Variants in LIMCH1 observed in about 807,000 individuals in gnomAD.
LIMCH1 encodes the protein LIM and calponin homology domains 1, also known as LIM and calponin homology domains-containing protein 1.
Under a neutral mutation model 176.5 loss-of-function variants are expected in LIMCH1, and 113 were observed. The ratio of observed to expected loss-of-function variants is 0.64; its 90% CI spans 0.55 to 0.75. The LOEUF is 0.75. Ranked by LOEUF, LIMCH1 falls within the 30% of genes least tolerant of loss-of-function variation. The probability of loss-of-function intolerance (pLI) is 0.00; values close to 1 mark genes in which losing one functional copy is unlikely to be tolerated. For missense variants in LIMCH1, 1,674 were observed against 1,814.9 expected (o/e 0.92, Z 1.41); for synonymous variants, 619 against 645.9 (o/e 0.96, Z 0.63).
chr4:41,658,049 A>C (rs1246651405), intron 18 of LIMCH1, among the ~76,000 whole-genome samples: 1 of 152,052 alleles, frequency 6.6e-6, no homozygotes, highest in Non-Finnish European at 1.5e-5. Flanking sequence ...AATTGGTGTG[A>C]CTCCAAGCCC....
chr4:41,636,885 A>G (rs899298698), intron 13 of LIMCH1, among the ~76,000 whole-genome samples: 1 of 152,232 alleles, frequency 6.6e-6, no homozygotes, highest in African/African-American at 2.4e-5. Context: ...ACGCTAATCT[A>G]TGCATATGTT....
chr4:41,671,435 C>G, intron 21 of LIMCH1, 119 bp from the exon 22 acceptor site: 1 of 663,212 alleles, frequency 1.5e-6, no homozygotes, highest in Non-Finnish European at 2.7e-6. Context: ...CACACACACA[C>G]ACACAAAATT....
At chr4:41,653,241 T>C (rs7677930) in intron 18 of LIMCH1, among the ~76,000 whole-genome samples, 25,418 of 151,698 alleles carry the variant, frequency 0.17, 2,345 homozygotes, top group Middle Eastern at 0.3. Context: ...TTTAAAAGAA[T>C]CACTTCTCCA....
At chr4:41,665,818 G>C (rs543469439) in intron 20 of LIMCH1, among the ~76,000 whole-genome samples, 38 of 152,282 alleles carry the variant, frequency 2.5e-4, no homozygotes, top group Non-Finnish European at 4.4e-4. Context: ...CAGAAGAAGG[G>C]TGTTTCTACT....
chr4:41,604,071 G>A, intron 3 of LIMCH1, 166 bp downstream of exon 3: 2 of 463,798 alleles, frequency 4.3e-6, no homozygotes, highest in Non-Finnish European at 5.7e-6. Flanking sequence ...AGTAAATTGT[G>A]TATGTGTTGG....
intron 1 of LIMCH1, among the ~76,000 whole-genome samples, chr4:41,470,475 G>C (rs998892891): frequency 6.6e-6 from 1 of 152,030 alleles, no homozygotes; most frequent in South Asian, 2.1e-4. Flanking sequence ...CATTCCTTTA[G>C]TATGTGCCCT....
At chr4:41,458,266 T>C (rs2064858797) in intron 1 of LIMCH1, among the ~76,000 whole-genome samples, 1 of 152,194 alleles carries the variant, frequency 6.6e-6, no homozygotes, top group South Asian at 2.1e-4. Flanking sequence ...TTGCTTCCAA[T>C]TTATTTGCTA....
intron 1 of LIMCH1, among the ~76,000 whole-genome samples, chr4:41,454,409 A>G (rs1199197511): frequency 6.6e-6 from 1 of 152,148 alleles, no homozygotes; most frequent in African/African-American, 2.4e-5. Flanking sequence ...AATGGAAATT[A>G]ATAAAAATGG....
intron 2 of LIMCH1, among the ~76,000 whole-genome samples, chr4:41,518,164 T>G (rs966355605): frequency 2.0e-5 from 3 of 152,220 alleles, no homozygotes; most frequent in African/African-American, 7.2e-5. Context: ...TTTTTAAATT[T>G]GCAATCCTTT....
intron 3 of LIMCH1, among the ~76,000 whole-genome samples, chr4:41,531,065 A>G (rs2077233408): frequency 6.6e-6 from 1 of 151,814 alleles, no homozygotes; most frequent in East Asian, 1.9e-4. Context: ...TGGTACTTGA[A>G]CCTGGGTTTG....
At chr4:41,644,785 G>A (rs886520187) in intron 15 of LIMCH1, among the ~76,000 whole-genome samples, 159 bp downstream of exon 15, 1 of 152,170 alleles carries the variant, frequency 6.6e-6, no homozygotes, top group Non-Finnish European at 1.5e-5. Context: ...AGGAAGGTGA[G>A]TAGCAGCGTG....
chr4:41,558,722 G>A (rs2081646283), intron 1 of LIMCH1, among the ~76,000 whole-genome samples: 1 of 152,114 alleles, frequency 6.6e-6, no homozygotes, highest in South Asian at 2.1e-4. Context: ...ATGCATTTGT[G>A]TATTTCCACC....
rs535914874 is a variant in LIMCH1, at chr4:41,514,900, G to T, written c.168-9509G>T. ...AGAACTTGGAAGTTATTTCCCTATA[G>T]AAGCAGTTCGCTTCACAAAGTCTTA... On this transcript the variant is annotated intron_variant, in intron 2 of 26. Coordinates refer to the LIMCH1 transcript ENST00000313860. Among the ~76,000 whole-genome samples, 7 of 152,264 alleles carry T rather than the reference G, an allele frequency of 4.6e-5. No homozygotes were observed. The South Asian group carries it at 1.5e-3, about 32-fold the overall frequency.
chr4:41,508,106 A>G (rs2074400853), intron 2 of LIMCH1, among the ~76,000 whole-genome samples: 1 of 152,142 alleles, frequency 6.6e-6, no homozygotes, highest in Non-Finnish European at 1.5e-5. Flanking sequence ...TTGCAGGTAG[A>G]CTTGTTTGGC....
chr4:41,418,326 C>T (rs947949296), intron 1 of LIMCH1, among the ~76,000 whole-genome samples: 1 of 152,198 alleles, frequency 6.6e-6, no homozygotes, highest in Non-Finnish European at 1.5e-5. Flanking sequence ...ATTTTAATTA[C>T]ATCTGCGTTT....
intron 4 of LIMCH1, among the ~76,000 whole-genome samples, chr4:41,608,494 C>A (rs2091019780): frequency 6.6e-6 from 1 of 151,990 alleles, no homozygotes; most frequent in African/African-American, 2.4e-5. Flanking sequence ...AGTTTTTTTT[C>A]TTTCACAAAG....
intron 2 of LIMCH1, among the ~76,000 whole-genome samples, chr4:41,514,088 A>C (rs1296455949): frequency 6.6e-6 from 1 of 150,748 alleles, no homozygotes; most frequent in Non-Finnish European, 1.5e-5. Flanking sequence ...TAGCAGGTCT[A>C]AAGTCCGTGA....
intron 1 of LIMCH1, among the ~76,000 whole-genome samples, chr4:41,552,452 A>G (rs1230651055): frequency 1.3e-5 from 2 of 152,036 alleles, no homozygotes; most frequent in South Asian, 2.1e-4. Flanking sequence ...GAAGGCTCGA[A>G]TCATGAGCTC....
chr4:41,648,908 A>T (rs1562078422), intron 17 of LIMCH1, among the ~76,000 whole-genome samples: 1 of 150,900 alleles, frequency 6.6e-6, no homozygotes, highest in African/African-American at 2.5e-5. Context: ...AAAAAAACAT[A>T]GTGTGTCACA....
Sources: gnomAD v4.1 joint callset for allele counts (sites outside exome capture counted in the v4.1 genomes callset) on GRCh38, gnomAD v4.1.1 for gene constraint, MANE v1.5 for transcripts, NCBI Gene and HGNC (gene_info 2026-07-23, HGNC 2026-07-21) for gene names.